Variants in ADK observed in about 807,000 individuals in gnomAD.
The protein encoded by ADK is N6,N6-dimethyladenosine kinase.
A neutral mutation model predicts 44.7 loss-of-function variants in ADK; 24 were observed. The observed-to-expected ratio is 0.54, with a 90% CI of 0.39 to 0.76. The LOEUF is 0.76. Ranked by LOEUF, ADK falls within the 30% of genes least tolerant of loss-of-function variation. The pLI, the probability that ADK is intolerant of heterozygous loss-of-function variation, is 0.00. For missense variants in ADK, 321 were observed against 425.1 expected (o/e 0.76, Z 2.15); for synonymous variants, 128 against 142.6 (o/e 0.90, Z 0.73).
chr10:74,321,323 A>G (rs1840801032), intron 4 of ADK, among the ~76,000 whole-genome samples: 1 of 151,562 alleles, frequency 6.6e-6, no homozygotes, highest in South Asian at 2.1e-4. Flanking sequence ...TTGCTCTGTC[A>G]CCCAGGCTGG....
chr10:74,268,739 C>T (rs941897141), intron 3 of ADK, among the ~76,000 whole-genome samples: 3 of 152,126 alleles, frequency 2.0e-5, no homozygotes, highest in East Asian at 1.9e-4. Flanking sequence ...TATTGATTAC[C>T]GCTTTCAGTG....
intron 9 of ADK, among the ~76,000 whole-genome samples, chr10:74,635,723 G>A (rs1006421608): frequency 2.0e-5 from 3 of 152,020 alleles, no homozygotes; most frequent in Non-Finnish European, 4.4e-5. Flanking sequence ...TTAGTCTAAA[G>A]GCCAACATTT....
chr10:74,464,545 G>A (rs1272738424), intron 6 of ADK, among the ~76,000 whole-genome samples: 1 of 152,100 alleles, frequency 6.6e-6, no homozygotes, highest in Non-Finnish European at 1.5e-5. Context: ...TGGTGATACA[G>A]CGAGACCATG....
chr10:74,215,450 A>G (rs1211242407), intron 2 of ADK, among the ~76,000 whole-genome samples: 3 of 152,020 alleles, frequency 2.0e-5, no homozygotes, highest in Admixed American at 6.6e-5. Context: ...AGCTGGGACC[A>G]CAGGCGCCTG....
intron 4 of ADK, among the ~76,000 whole-genome samples, chr10:74,356,176 G>A (rs1336654501): frequency 2.0e-5 from 3 of 149,606 alleles, no homozygotes; most frequent in African/African-American, 4.9e-5. Context: ...CCGCCACCGC[G>A]CCCGGCTAAT....
intron 7 of ADK, among the ~76,000 whole-genome samples, chr10:74,538,953 A>G (rs1043975533): frequency 1.3e-5 from 2 of 152,198 alleles, no homozygotes; most frequent in Admixed American, 6.6e-5. Context: ...GTGTGAATCT[A>G]TGTGTAATTA....
intron 1 of ADK, among the ~76,000 whole-genome samples, chr10:74,152,006 T>C (rs573397592): frequency 5.9e-5 from 9 of 152,240 alleles, no homozygotes; most frequent in Non-Finnish European, 1.2e-4. Context: ...CTTTTACTTA[T>C]GAAGAGTCAT....
At chr10:74,621,130 A>G (rs1413104585) in intron 9 of ADK, among the ~76,000 whole-genome samples, 1 of 152,178 alleles carries the variant, frequency 6.6e-6, no homozygotes, top group Non-Finnish European at 1.5e-5. Context: ...GGTTGTACTC[A>G]TAAAACATTT....
intron 9 of ADK, among the ~76,000 whole-genome samples, chr10:74,606,351 C>T (rs1852323450): frequency 6.6e-6 from 1 of 152,200 alleles, no homozygotes; most frequent in African/African-American, 2.4e-5. Flanking sequence ...GATTTTAGAT[C>T]TTTCCCGCTT....
intron 9 of ADK, among the ~76,000 whole-genome samples, chr10:74,654,044 C>CT (rs11377985): frequency 0.018 from 2,716 of 152,190 alleles, 75 homozygotes; most frequent in African/African-American, 0.062. Context: ...GCAGTTTTTT[C>CT]TTTTGTAAAC....
chr10:74,487,451 T>C (rs1280165260), intron 6 of ADK, among the ~76,000 whole-genome samples: 1 of 151,956 alleles, frequency 6.6e-6, no homozygotes, highest in Non-Finnish European at 1.5e-5. Context: ...TTTTATGAAA[T>C]ATTTCATTTT....
At chr10:74,238,953 C>T (rs888326865) in intron 3 of ADK, among the ~76,000 whole-genome samples, 13 of 150,074 alleles carry the variant, frequency 8.7e-5, no homozygotes, top group African/African-American at 3.2e-4. Flanking sequence ...CTCCACCTTC[C>T]AGTTTCAAAT....
At chr10:74,502,586 G>T (rs183123453) in intron 6 of ADK, among the ~76,000 whole-genome samples, 18 of 152,156 alleles carry the variant, frequency 1.2e-4, no homozygotes, top group African/African-American at 3.1e-4. Context: ...TCTACCACTT[G>T]ATAATTTTTT....
chr10:74,563,376 T>G (rs1247446166), intron 7 of ADK, among the ~76,000 whole-genome samples: 1 of 152,202 alleles, frequency 6.6e-6, no homozygotes, highest in African/African-American at 2.4e-5. Context: ...CTCAAATATT[T>G]TCTCAGAGAT....
chr10:74,539,440 A>G (rs1849555747), intron 7 of ADK, among the ~76,000 whole-genome samples: 2 of 152,180 alleles, frequency 1.3e-5, no homozygotes. Flanking sequence ...ATATCAGAAT[A>G]TTTCCCCCAT....
At chr10:74,364,949 C>T (rs1045804155) in intron 4 of ADK, among the ~76,000 whole-genome samples, 9 of 152,066 alleles carry the variant, frequency 5.9e-5, no homozygotes, top group Non-Finnish European at 1.3e-4. Flanking sequence ...GGACAATTTT[C>T]CTCTGTTCTC....
intron 1 of ADK, among the ~76,000 whole-genome samples, chr10:74,173,251 C>T (rs1236944482): frequency 4.6e-5 from 7 of 150,786 alleles, no homozygotes; most frequent in East Asian, 4.0e-4. Flanking sequence ...CCACCACGCC[C>T]GGCTAATTTT....
chr10:74,197,055 G>C (rs964720850), intron 1 of ADK, among the ~76,000 whole-genome samples: 2 of 152,112 alleles, frequency 1.3e-5, no homozygotes, highest in Admixed American at 1.3e-4. Context: ...TTCTGTATCT[G>C]AGCATCATAG....
At chr10:74,695,252 C>A (rs1206976693) in intron 10 of ADK, among the ~76,000 whole-genome samples, 1 of 152,116 alleles carries the variant, frequency 6.6e-6, no homozygotes, top group Non-Finnish European at 1.5e-5. Flanking sequence ...ATTTTAGAAT[C>A]AACTTATCAG....
Sources: gnomAD v4.1 joint callset for allele counts (sites outside exome capture counted in the v4.1 genomes callset) on GRCh38, gnomAD v4.1.1 for gene constraint, MANE v1.5 for transcripts, NCBI Gene and HGNC (gene_info 2026-07-23, HGNC 2026-07-21) for gene names.